The following RHOBTB2 variants were observed in gnomAD, a reference collection of about 807,000 sequenced individuals.
RHOBTB2 encodes the protein Rho related BTB domain containing 2.
Under a neutral mutation model 66.5 loss-of-function variants are expected in RHOBTB2, and 39 were observed. The ratio of observed to expected loss-of-function variants is 0.59; its 90% confidence interval spans 0.45 to 0.77. The LOEUF (loss-of-function observed/expected upper bound fraction) is 0.77, where lower values mean the gene tolerates loss of function less well. RHOBTB2 is among the 30% of genes least tolerant of loss of function. The probability of loss-of-function intolerance (pLI) is 0.00; values close to 1 mark genes in which losing one functional copy is unlikely to be tolerated. For missense variants in RHOBTB2, 755 were observed against 999.1 expected (o/e 0.76, Z 3.29); for synonymous variants, 390 against 395.0 (o/e 0.99, Z 0.15).
rs1811390653 is a variant in RHOBTB2 at position 23,018,922 on chromosome 8, G to C, written c.*1453G>C. On this transcript the variant is annotated 3_prime_UTR_variant, in exon 10 of 10. Transcript: ENST00000251822. ...AGTTGGTCTAGAGAGGAGGAGGGCG[G>C]GGCTGGAGGAATGTGGGGGATTGAA... is the stretch of plus-strand genomic sequence containing the variant. 1 of 152,702 alleles carries C rather than the reference G, an allele frequency of 6.5e-6. No individual in the cohort carries two copies. The highest frequency in any genetic ancestry group is 1.9e-4 in the East Asian group (1 of 5,196). 9.5% of individuals were successfully genotyped at this position (152,702 alleles called of 1,614,324 possible).
Position 22,999,955 on chromosome 8 carries a change from G to C in RHOBTB2, c.-161G>C, listed in dbSNP as rs1019250655. 1 of 985,342 alleles carries C rather than the reference G, an allele frequency of 1.0e-6. No individual in the cohort carries two copies. Among genetic ancestry groups the C allele is most frequent in the Admixed American group, 6.1e-5 (1 of 16,272 alleles). 61.0% of individuals were successfully genotyped at this position (985,342 alleles called of 1,614,324 possible). A position where few individuals can be genotyped will look rare whatever the true frequency, so the allele number is the denominator to read the frequency against. On this transcript the variant is annotated 5_prime_UTR_variant, in exon 1 of 10. Transcript: ENST00000251822. ...GTTTCTGAGTGGCCGCGAGCTGGCC[G>C]GGAGGCTGGAGCCCAGCAGCAGCGC...
At chr8:22,956,693 C>T in the RHOBTB2 span, among the ~76,000 whole-genome samples, 58 of 152,284 alleles carry the variant, frequency 3.8e-4, no homozygotes, top group African/African-American at 1.3e-3. Flanking sequence ...CAGGGTTTTG[C>T]TCTTGTTGCC....
At chr8:22,966,360 A>G in the RHOBTB2 span, among the ~76,000 whole-genome samples, 1 of 152,142 alleles carries the variant, frequency 6.6e-6, no homozygotes, top group East Asian at 1.9e-4. Context: ...CTCAAAAAAA[A>G]AGAAAAGAAA....
At position 23,014,727 on chromosome 8, in the gene RHOBTB2, G is replaced by A. The variant is rs377642686; in HGVS notation, c.1809G>A (p.Gln603=). Residue 603 remains glutamine (Q), a synonymous_variant, in exon 8 of 10, where the codon CAG becomes CAA. Transcript: ENST00000251822. ...TGACCGGGCTGATGGAAGCGACCCAGATGATGGTGGACATCGATGGGGACG... is the reference window on the plus strand; with the variant it reads ...TGACCGGGCTGATGGAAGCGACCCAAATGATGGTGGACATCGATGGGGACG... ...YTVTGLMEAT[Q]MMVDIDGDVL... 255 of 1,614,080 alleles carry A rather than the reference G, an allele frequency of 1.6e-4. No homozygotes were observed. The highest frequency in any genetic ancestry group is 2.1e-4 in the Non-Finnish European group (247 of 1,180,010).
chr8:23,010,588 C>T lies in RHOBTB2; in HGVS notation c.1671C>T (p.Tyr557=). The change falls in exon 7 of 10, where the codon TAC becomes TAT. Residue 557 remains tyrosine (Y), a synonymous_variant. Coordinates refer to ENST00000251822, the MANE Select transcript of RHOBTB2 (RefSeq NM_015178.3). ...GCTGCATGCGGGCCGTGCTGGAATA[C>T]CTCTACACCGGCATGTTCACCTCCA... ...SKSCMRAVLE[Y]LYTGMFTSSP... 1 of 1,614,150 alleles carries T rather than the reference C, an allele frequency of 6.2e-7. No individual in the cohort carries two copies. Among genetic ancestry groups the T allele is most frequent in the Non-Finnish European group, 8.5e-7 (1 of 1,180,028 alleles).
chr8:22,968,095 C>A, the RHOBTB2 span, among the ~76,000 whole-genome samples: 12 of 151,224 alleles, frequency 7.9e-5, no homozygotes, highest in African/African-American at 2.9e-4. Context: ...GGCTGAGTTG[C>A]AGTGAGCTAT....
At chr8:22,987,941 C>T (rs1017883667) in intron 1 of RHOBTB2, among the ~76,000 whole-genome samples, 11 of 152,008 alleles carry the variant, frequency 7.2e-5, no homozygotes, top group African/African-American at 9.7e-5. Flanking sequence ...CTGGCCAGGA[C>T]GGAACGGAAG....
intron 1 of RHOBTB2, chr8:22,991,961 A>G (rs920747233): frequency 2.0e-5 from 3 of 152,248 alleles, no homozygotes; most frequent in African/African-American, 7.2e-5. Flanking sequence ...TACTACACAG[A>G]TCCTGTACCC....
upstream of RHOBTB2, among the ~76,000 whole-genome samples, chr8:22,997,922 G>C (rs1810621482): frequency 6.6e-6 from 1 of 152,224 alleles, no homozygotes. Context: ...TGTGGAGGAA[G>C]AACATGTGTG....
chr8:22,956,774 G>A, the RHOBTB2 span, among the ~76,000 whole-genome samples: 29 of 152,188 alleles, frequency 1.9e-4, no homozygotes, highest in East Asian at 1.9e-4. Context: ...CAACTCTCCC[G>A]CCTCAGCCTC....
At chr8:22,987,731 G>C (rs892762126) in intron 1 of RHOBTB2, among the ~76,000 whole-genome samples, 1 of 152,218 alleles carries the variant, frequency 6.6e-6, no homozygotes, top group Non-Finnish European at 1.5e-5. Context: ...GGGAGCACGA[G>C]GGGTGGGGGC....
chr8:23,010,589 C>T lies in RHOBTB2; in HGVS notation c.1672C>T (p.Leu558Phe). The change falls in exon 7 of 10, where the codon CTC becomes TTC. Residue 558 changes from leucine to phenylalanine, a missense_variant. This residue lies in a region of RHOBTB2 where 353 missense variants were observed against 458.2 expected (regional missense o/e 0.77). Coordinates refer to ENST00000251822, the MANE Select transcript of RHOBTB2 (RefSeq NM_015178.3). ...KSCMRAVLEY[L>F]YTGMFTSSPD... Reference sequence around the variant, plus strand: ...CTGCATGCGGGCCGTGCTGGAATACCTCTACACCGGCATGTTCACCTCCAG... The same window carrying T: ...CTGCATGCGGGCCGTGCTGGAATACTTCTACACCGGCATGTTCACCTCCAG... 6.2e-7 allele frequency: 1 copy of T among 1,614,136 alleles called. No homozygotes were observed. Among genetic ancestry groups the T allele is most frequent in the Non-Finnish European group, 8.5e-7 (1 of 1,180,022 alleles).
At chr8:22,997,034 G>A (rs1810589659), upstream of RHOBTB2, among the ~76,000 whole-genome samples, 2 of 152,170 alleles carry the variant, frequency 1.3e-5, no homozygotes. Context: ...GCCGGCGGCT[G>A]CAGCTTGCTA....
the RHOBTB2 span, among the ~76,000 whole-genome samples, chr8:22,975,622 G>C: frequency 6.6e-5 from 10 of 152,144 alleles, no homozygotes; most frequent in Non-Finnish European, 1.0e-4. Context: ...CTGACGGATG[G>C]GCAGAAACTT....
the RHOBTB2 span, among the ~76,000 whole-genome samples, chr8:22,973,097 T>C: frequency 2.6e-5 from 4 of 152,174 alleles, no homozygotes; most frequent in Admixed American, 6.5e-5. Context: ...TTCAGGAAAG[T>C]CATGTTGGTC....
At chr8:22,982,732 A>G (rs1037705791), upstream of RHOBTB2, among the ~76,000 whole-genome samples, 1 of 152,232 alleles carries the variant, frequency 6.6e-6, no homozygotes, top group South Asian at 2.1e-4. Context: ...CTCACATACT[A>G]TCTTATTCCA....
At chr8:23,011,513 T>C (rs1163730694) in intron 7 of RHOBTB2, among the ~76,000 whole-genome samples, 2 of 152,162 alleles carry the variant, frequency 1.3e-5, no homozygotes, top group Non-Finnish European at 2.9e-5. Flanking sequence ...CTGCACGGAT[T>C]GTACGAGCCG....
the RHOBTB2 span, among the ~76,000 whole-genome samples, chr8:22,975,162 A>G: frequency 2.0e-5 from 3 of 152,010 alleles, 1 homozygote. Context: ...TAAAGGGCTC[A>G]AAGTGGAACT....
At chr8:22,998,432 C>T (rs1293100461), upstream of RHOBTB2, among the ~76,000 whole-genome samples, 1 of 152,126 alleles carries the variant, frequency 6.6e-6, no homozygotes, top group Non-Finnish European at 1.5e-5. Flanking sequence ...CTACTTAACA[C>T]TAGCAGTCAA....
Sources: allele counts gnomAD v4.1 joint callset (sites outside exome capture counted in the v4.1 genomes callset), GRCh38; gene constraint gnomAD v4.1.1; regional missense constraint gnomAD v4.1.1; transcripts MANE v1.5; gene names NCBI Gene and HGNC (gene_info 2026-07-23, HGNC 2026-07-21).